LDLRAD4: variants seen among roughly 807,000 people sequenced by gnomAD.
The protein encoded by LDLRAD4 is low-density lipoprotein receptor class A domain-containing protein 4.
A neutral mutation model predicts 17.0 loss-of-function variants in LDLRAD4; 5 were observed. The ratio of observed to expected loss-of-function variants is 0.29; its 90% confidence interval spans 0.15 to 0.62. LDLRAD4 has a LOEUF of 0.62. LDLRAD4 is among the 20% of genes least tolerant of loss of function. The probability of loss-of-function intolerance (pLI) is 0.84; values close to 1 mark genes in which losing one functional copy is unlikely to be tolerated. For missense variants in LDLRAD4, 340 were observed against 424.7 expected (o/e 0.80, Z 1.75); for synonymous variants, 168 against 171.8 (o/e 0.98, Z 0.17).
intron 4 of LDLRAD4, among the ~76,000 whole-genome samples, chr18:13,624,143 G>A (rs538704844): frequency 3.4e-4 from 51 of 152,040 alleles, no homozygotes; most frequent in Middle Eastern, 3.4e-3. Context: ...GTGCTGAGGC[G>A]GAGGAGCCGG....
In LDLRAD4 at chr18:13,572,914, G is replaced by A. The variant is rs574674013; in HGVS notation, c.182-48203G>A. On this transcript the variant is annotated intron_variant, in intron 3 of 5. Transcript: ENST00000359446. Reference sequence around the variant, plus strand: ...GCAGAGGGCACAGAGTGGCGCAGGCGAGACTGCCACAGACGCCAGTGAGGC... The same window carrying A: ...GCAGAGGGCACAGAGTGGCGCAGGCAAGACTGCCACAGACGCCAGTGAGGC... 2.0e-4 allele frequency among the ~76,000 whole-genome samples: 30 copies of A among 152,302 alleles called. No homozygotes were observed. The South Asian group carries it at 2.7e-3, about 14-fold the overall frequency.
rs2085930444 is a variant in LDLRAD4 at position 13,387,618 on chromosome 18, C to T, written c.-105C>T. 8 of 1,044,164 alleles carry T rather than the reference C, an allele frequency of 7.7e-6. No individual in the cohort carries two copies. Among genetic ancestry groups the T allele is most frequent in the African/African-American group, 6.2e-5 (4 of 64,084 alleles). 64.7% of individuals were successfully genotyped at this position (1,044,164 alleles called of 1,614,324 possible). A position where few individuals can be genotyped will look rare whatever the true frequency, so the allele number is the denominator to read the frequency against. On this transcript the variant is annotated 5_prime_UTR_variant, in exon 2 of 6. An upstream open reading frame in the 5' UTR gains an earlier in-frame stop. Coordinates refer to ENST00000359446, the Ensembl canonical transcript of LDLRAD4. ...GCTCCCAGAGGCCGGCCCAGCAGAG[C>T]GATGGACTTGGACAGGCTAAGATGG... is the stretch of plus-strand genomic sequence containing the variant.
intron 3 of LDLRAD4, chr18:13,520,326 G>C (rs991854792): frequency 6.6e-6 from 1 of 152,164 alleles, no homozygotes; most frequent in African/African-American, 2.4e-5. Context: ...TAGCAGTGGG[G>C]TATAGAATAA....
intron 3 of LDLRAD4, chr18:13,490,299 T>C (rs1399161526): frequency 6.6e-6 from 1 of 152,204 alleles, no homozygotes; most frequent in Admixed American, 6.5e-5. Context: ...TAAGTGACAA[T>C]ATGATGCTCA....
At chr18:13,307,619 A>G (rs946098618) in intron 1 of LDLRAD4, among the ~76,000 whole-genome samples, 8 of 151,984 alleles carry the variant, frequency 5.3e-5, no homozygotes, top group East Asian at 3.9e-4. Flanking sequence ...GGGTCTCACT[A>G]TGTTGCCCAA....
intron 1 of LDLRAD4, among the ~76,000 whole-genome samples, chr18:13,226,980 C>G (rs1220611339): frequency 6.6e-6 from 1 of 152,136 alleles, no homozygotes; most frequent in Non-Finnish European, 1.5e-5. Context: ...ATACCTTGTT[C>G]AGTCGCTTCT....
At chr18:13,326,808 A>G (rs2081564746) in intron 1 of LDLRAD4, among the ~76,000 whole-genome samples, 1 of 151,188 alleles carries the variant, frequency 6.6e-6, no homozygotes, top group African/African-American at 2.4e-5. Context: ...TCGCTCTGTC[A>G]CCCAGGCTGG....
intron 1 of LDLRAD4, among the ~76,000 whole-genome samples, chr18:13,359,004 A>T (rs1166328834): frequency 6.6e-6 from 1 of 152,256 alleles, no homozygotes; most frequent in Non-Finnish European, 1.5e-5. Flanking sequence ...ACTGTGATGT[A>T]CACCAGTAAT....
chr18:13,345,093 C>T (rs963137711), intron 1 of LDLRAD4, among the ~76,000 whole-genome samples: 2 of 152,142 alleles, frequency 1.3e-5, no homozygotes, highest in Admixed American at 6.5e-5. Flanking sequence ...TGCCTGATTG[C>T]CCTGGCCAGA....
chr18:13,366,727 G>T (rs2084082416), intron 1 of LDLRAD4, among the ~76,000 whole-genome samples: 1 of 152,194 alleles, frequency 6.6e-6, no homozygotes, highest in African/African-American at 2.4e-5. Context: ...GTTAGCTGCT[G>T]CAGTCACATC....
At chr18:13,549,505 C>G (rs1447272891) in intron 3 of LDLRAD4, among the ~76,000 whole-genome samples, 1 of 151,804 alleles carries the variant, frequency 6.6e-6, no homozygotes, top group Non-Finnish European at 1.5e-5. Context: ...TTATTTTATT[C>G]ACGGAGGCAT....
At chr18:13,609,098 A>G (rs558183884) in intron 3 of LDLRAD4, among the ~76,000 whole-genome samples, 33 of 152,248 alleles carry the variant, frequency 2.2e-4, no homozygotes, top group Non-Finnish European at 4.3e-4. Context: ...ATGATGAGGG[A>G]GGAGAGAGTG....
At chr18:13,397,047 C>T (rs544093558) in intron 2 of LDLRAD4, among the ~76,000 whole-genome samples, 4 of 152,220 alleles carry the variant, frequency 2.6e-5, no homozygotes, top group South Asian at 2.1e-4. Flanking sequence ...CCATTTCACA[C>T]GAGGGTTCTG....
chr18:13,236,447 T>C (rs559676553), intron 1 of LDLRAD4: 96 of 152,182 alleles, frequency 6.3e-4, no homozygotes, highest in Non-Finnish European at 1.0e-3. Flanking sequence ...GTAGCTGGGA[T>C]TACAGGCATG....
intron 3 of LDLRAD4, among the ~76,000 whole-genome samples, chr18:13,557,561 C>A (rs535356546): frequency 2.6e-5 from 4 of 152,046 alleles, no homozygotes; most frequent in Non-Finnish European, 5.9e-5. Context: ...CTACCACACC[C>A]GGCTAATTTT....
chr18:13,244,508 A>G (rs2042861014), intron 1 of LDLRAD4, among the ~76,000 whole-genome samples: 1 of 152,240 alleles, frequency 6.6e-6, no homozygotes, highest in South Asian at 2.1e-4. Context: ...ATGTTAGGGT[A>G]AAGGCCCCAA....
chr18:13,627,240 GACA>G (rs2041254109), intron 4 of LDLRAD4, among the ~76,000 whole-genome samples: 1 of 152,162 alleles, frequency 6.6e-6, no homozygotes, highest in South Asian at 2.1e-4. Context: ...CAGCCTGGCC[GACA>G]GAGGGAGACG....
chr18:13,392,969 A>G (rs773805892), intron 2 of LDLRAD4, among the ~76,000 whole-genome samples: 1 of 152,160 alleles, frequency 6.6e-6, no homozygotes, highest in Non-Finnish European at 1.5e-5. Flanking sequence ...CACTAATGAG[A>G]CTGAAAAAGA....
At chr18:13,271,510 A>G (rs1477628301) in intron 1 of LDLRAD4, among the ~76,000 whole-genome samples, 2 of 152,222 alleles carry the variant, frequency 1.3e-5, no homozygotes, top group East Asian at 3.8e-4. Flanking sequence ...AATGAAGACC[A>G]AAGAGTCCGG....
Sources: gnomAD v4.1 joint callset for allele counts (sites outside exome capture counted in the v4.1 genomes callset) on GRCh38, gnomAD v4.1.1 for gene constraint, MANE v1.5 for transcripts, NCBI Gene and HGNC (gene_info 2026-07-23, HGNC 2026-07-21) for gene names.